The following MTMR8 variants were observed in gnomAD, a reference collection of about 807,000 sequenced individuals.
The protein encoded by MTMR8 is phosphatidylinositol-3,5-bisphosphate 3-phosphatase MTMR8.
Under a neutral mutation model 39.3 loss-of-function variants are expected in MTMR8, and 65 were observed. The ratio of observed to expected loss-of-function variants is 1.65; its 90% CI spans 1.35 to 2.03. The LOEUF (loss-of-function observed/expected upper bound fraction) is 2.03. Among genes scored for constraint, MTMR8 ranks in the 30% most tolerant of loss-of-function variants. The pLI is 0.00. For missense variants in MTMR8, 777 were observed against 538.9 expected (o/e 1.44, Z -4.37); for synonymous variants, 245 against 185.2 (o/e 1.32, Z -2.62).
chrX:64,318,485 G>T (rs1433072155), intron 12 of MTMR8, among the ~76,000 whole-genome samples: 3 of 110,904 alleles, frequency 2.7e-5, no homozygotes, highest in Non-Finnish European at 3.8e-5. Context: ...CCAAGTCTGG[G>T]TTATATGAGG....
At chrX:64,304,474 C>T (rs1254419485) in intron 12 of MTMR8, among the ~76,000 whole-genome samples, 1 of 111,587 alleles carries the variant, frequency 9.0e-6, no homozygotes, top group Admixed American at 9.6e-5. Context: ...GCCAGACATT[C>T]ATTCAACATT....
chrX:64,356,904 G>A (rs1261911888), intron 2 of MTMR8, among the ~76,000 whole-genome samples: 1 of 110,871 alleles, frequency 9.0e-6, no homozygotes, highest in Non-Finnish European at 1.9e-5. Context: ...AACAGAATTT[G>A]AACCATAGCA....
At chrX:64,323,588 C>A (rs1252959629) in intron 12 of MTMR8, among the ~76,000 whole-genome samples, 1 of 112,256 alleles carries the variant, frequency 8.9e-6, no homozygotes, top group Non-Finnish European at 1.9e-5. Context: ...GCATATTCGA[C>A]CAAACAGCTG....
chrX:64,365,164 G>A (rs902988248), intron 1 of MTMR8, among the ~76,000 whole-genome samples: 5 of 111,416 alleles, frequency 4.5e-5, no homozygotes, highest in Non-Finnish European at 9.4e-5. Flanking sequence ...GGGGAGAATG[G>A]AACCAAGTTG....
chrX:64,303,825 TTTC>T (rs767554970), intron 12 of MTMR8, among the ~76,000 whole-genome samples: 4 of 112,325 alleles, frequency 3.6e-5, no homozygotes, highest in Admixed American at 9.5e-5. Context: ...CTGAAACTTT[TTTC>T]TTCTTCTTCT....
rs1555945925 is a variant in MTMR8, at chrX:64,281,757, A to AGCAG, written c.1482-10685_1482-10684insCTGC. On this transcript the variant is annotated intron_variant, in intron 12 of 13. Coordinates refer to ENST00000374852, the MANE Select transcript of MTMR8 (RefSeq NM_017677.4). ...AGCAAAAGAAACTACCATCAGAGTG[A>AGCAG]ACAACCTACAAAATGGGAGAAAATT... 2.4e-3 allele frequency among the ~76,000 whole-genome samples: 265 copies of AGCAG among 110,104 alleles called. 2 individuals are homozygous for AGCAG. Among genetic ancestry groups the AGCAG allele is most frequent in the African/African-American group, 8.6e-3 (255 of 29,691 alleles).
chrX:64,337,255 C>T lies in MTMR8; in HGVS notation c.1101+13G>A, dbSNP rs199974166. 6.0e-5 allele frequency: 72 copies of T among 1,200,493 alleles called. No homozygotes were observed. In the Middle Eastern group the frequency reaches 7.0e-4, roughly 12 times the overall value. On this transcript the variant is annotated intron_variant, in intron 9 of 13. Transcript: ENST00000374852. ...TCTTACACAAAGTAAAATATAGTAGCGTGCTCTCTTACCATGAGTCCTTTG... is the reference window on the plus strand; with the variant it reads ...TCTTACACAAAGTAAAATATAGTAGTGTGCTCTCTTACCATGAGTCCTTTG...
chrX:64,281,102 T>C (rs1326770719), intron 12 of MTMR8, among the ~76,000 whole-genome samples: 5 of 111,433 alleles, frequency 4.5e-5, no homozygotes, highest in Non-Finnish European at 9.4e-5. Context: ...AGAATCAGTA[T>C]CACGAAAATG....
rs748328867 is a variant in MTMR8, at chrX:64,295,768, C to A, written c.1482-24695G>T. 1.4e-3 allele frequency among the ~76,000 whole-genome samples: 159 copies of A among 111,114 alleles called. 1 individual carries two copies. Among genetic ancestry groups the A allele is most frequent in the African/African-American group, 5.0e-3 (154 of 30,636 alleles). On this transcript the variant is annotated intron_variant, in intron 12 of 13. Coordinates refer to ENST00000374852, the MANE Select transcript of MTMR8 (RefSeq NM_017677.4). ...GAAACCACGAGATACTACTTCATAC[C>A]CACTAGGATGGATACTATCCAAAAA...
intron 12 of MTMR8, among the ~76,000 whole-genome samples, chrX:64,291,986 G>A (rs940068469): frequency 9.0e-6 from 1 of 111,651 alleles, no homozygotes; most frequent in East Asian, 2.8e-4. Context: ...TAGAAAAAGG[G>A]AAAGTACATA....
chrX:64,333,204 T>A (rs998436420), intron 10 of MTMR8, among the ~76,000 whole-genome samples: 2 of 111,887 alleles, frequency 1.8e-5, no homozygotes, highest in African/African-American at 6.5e-5. Flanking sequence ...TTCAGCTGTG[T>A]TTTAACTGCT....
In MTMR8 at chrX:64,395,219, AC is replaced by A. The variant is rs1429933706; in HGVS notation, c.24+120del. ...TGTGGACCCAGAAAGAGAACCCGGG[AC>A]CCCCCACAGGAAAGACGCGTCAAAG... On this transcript the variant is annotated intron_variant, in intron 1 of 13. Coordinates refer to ENST00000374852, the MANE Select transcript of MTMR8 (RefSeq NM_017677.4). 6 of 726,209 alleles carry A rather than the reference AC, an allele frequency of 8.3e-6. No homozygotes were observed. The Admixed American group carries it at 9.9e-5, about 12-fold the overall frequency. 59.8% of individuals were successfully genotyped at this position (726,209 alleles called of 1,213,427 possible). A position where few individuals can be genotyped will look rare whatever the true frequency, so the allele number is the denominator to read the frequency against.
intron 12 of MTMR8, among the ~76,000 whole-genome samples, chrX:64,315,134 C>T (rs1000093328): frequency 8.9e-6 from 1 of 112,162 alleles, no homozygotes; most frequent in Non-Finnish European, 1.9e-5. Context: ...AACTGGCTGG[C>T]ATGCTGCCCC....
chrX:64,384,213 G>T (rs143729819), intron 1 of MTMR8, among the ~76,000 whole-genome samples: 1 of 112,046 alleles, frequency 8.9e-6, no homozygotes, highest in African/African-American at 3.2e-5. Context: ...GTGAGGGGTG[G>T]ACTCTGAAGG....
At chrX:64,271,780 G>C (rs1041342507) in intron 12 of MTMR8, among the ~76,000 whole-genome samples, 1 of 111,939 alleles carries the variant, frequency 8.9e-6, no homozygotes, top group East Asian at 2.8e-4. Flanking sequence ...GTATCCTGAG[G>C]GCTACAGAGA....
chrX:64,288,847 A>T (rs956297792), intron 12 of MTMR8, among the ~76,000 whole-genome samples: 7 of 109,839 alleles, frequency 6.4e-5, no homozygotes, highest in Admixed American at 2.0e-4. Flanking sequence ...GGTGAGGAAC[A>T]TCACACACCG....
intron 12 of MTMR8, among the ~76,000 whole-genome samples, chrX:64,283,617 G>A (rs1203615074): frequency 8.9e-6 from 1 of 112,080 alleles, no homozygotes; most frequent in Non-Finnish European, 1.9e-5. Flanking sequence ...GTACCCCTCT[G>A]AGATGAAACC....
At chrX:64,352,272 C>A (rs1446251968) in intron 4 of MTMR8, among the ~76,000 whole-genome samples, 2 of 111,606 alleles carry the variant, frequency 1.8e-5, no homozygotes, top group African/African-American at 6.5e-5. Flanking sequence ...CGTCACTCTG[C>A]TGAGAGAGGA....
chrX:64,295,239 G>GAC (rs374084522), intron 12 of MTMR8, among the ~76,000 whole-genome samples: 4,235 of 105,972 alleles, frequency 0.04, 180 homozygotes, highest in African/African-American at 0.13. Flanking sequence ...AGATGTTTCT[G>GAC]ACACACACAC....
Sources: allele counts gnomAD v4.1 joint callset (sites outside exome capture counted in the v4.1 genomes callset), GRCh38; gene constraint gnomAD v4.1.1; transcripts MANE v1.5; gene names NCBI Gene and HGNC (gene_info 2026-07-23, HGNC 2026-07-21).